The following MFSD8 variants were observed in gnomAD, a reference collection of about 807,000 sequenced individuals.
MFSD8 encodes major facilitator superfamily domain-containing protein 8.
Under a neutral mutation model 66.4 loss-of-function variants are expected in MFSD8, and 55 were observed. The ratio of observed to expected loss-of-function variants is 0.83; its 90% CI spans 0.67 to 1.04. The LOEUF (loss-of-function observed/expected upper bound fraction) is 1.04. Ranked by LOEUF, MFSD8 falls within the 50% of genes least tolerant of loss-of-function variation. The pLI, the probability that MFSD8 is intolerant of heterozygous loss-of-function variation, is 0.00. For synonymous variants in MFSD8, 202 were observed against 212.8 expected (o/e 0.95, Z 0.44); for missense variants, 550 against 627.6 (o/e 0.88, Z 1.32).
intron 5 of MFSD8, among the ~76,000 whole-genome samples, chr4:127,940,490 A>G (rs1739978170): frequency 6.8e-6 from 1 of 146,902 alleles, no homozygotes; most frequent in Admixed American, 7.0e-5. Flanking sequence ...TTTAGACCAG[A>G]TATCTTAAAT....
chr4:127,949,528 T>C (rs576074996), intron 3 of MFSD8, among the ~76,000 whole-genome samples: 4 of 152,236 alleles, frequency 2.6e-5, no homozygotes, highest in Non-Finnish European at 4.4e-5. Flanking sequence ...ATGTGGCTTC[T>C]GAGTAGGTGA....
At chr4:127,937,683 A>G (rs574357394) in intron 7 of MFSD8, among the ~76,000 whole-genome samples, 1 of 152,342 alleles carries the variant, frequency 6.6e-6, no homozygotes, top group East Asian at 1.9e-4. Flanking sequence ...TGAAATTGTT[A>G]CCAATGAGAT....
At chr4:127,942,837 CT>C (rs1409208382) in intron 4 of MFSD8, among the ~76,000 whole-genome samples, 2 of 152,116 alleles carry the variant, frequency 1.3e-5, no homozygotes, top group Non-Finnish European at 2.9e-5. Flanking sequence ...AACAATTTTA[CT>C]GAAAATTTTC....
At chr4:127,940,101 C>A in intron 5 of MFSD8, 104 bp from the exon 6 acceptor site, 1 of 1,120,024 alleles carries the variant, frequency 8.9e-7, no homozygotes, top group South Asian at 1.4e-5. Flanking sequence ...GTTATGGAAT[C>A]ATCCTTCTAT....
chr4:127,923,499 C>G (rs185066761), intron 9 of MFSD8, among the ~76,000 whole-genome samples: 95 of 151,092 alleles, frequency 6.3e-4, no homozygotes, highest in Non-Finnish European at 1.2e-3. Context: ...GGTGGATAAG[C>G]TTTTTGATGT....
chr4:127,922,694 T>G (rs1736516942), intron 9 of MFSD8, among the ~76,000 whole-genome samples: 1 of 152,174 alleles, frequency 6.6e-6, no homozygotes, highest in African/African-American at 2.4e-5. Context: ...TTGGTCAGTT[T>G]TTGAGGATGT....
chr4:127,947,577 C>CAAA (rs995388172), intron 3 of MFSD8, among the ~76,000 whole-genome samples: 8 of 56,824 alleles, frequency 1.4e-4, no homozygotes, highest in African/African-American at 3.0e-4. Flanking sequence ...GACTCCATTG[C>CAAA]AAAAAAAAAA....
intron 3 of MFSD8, chr4:127,945,200 C>G (rs1412919129): frequency 6.6e-6 from 1 of 151,964 alleles, no homozygotes; most frequent in African/African-American, 2.4e-5. Flanking sequence ...TATTTAATGG[C>G]TTTTATTAAA....
At chr4:127,952,167 A>G (rs997972671) in intron 2 of MFSD8, among the ~76,000 whole-genome samples, 6 of 151,932 alleles carry the variant, frequency 3.9e-5, no homozygotes, top group African/African-American at 1.4e-4. Flanking sequence ...GCACTTTGGG[A>G]GGCCTGGGTG....
chr4:127,941,416 G>A (rs1740169058), intron 5 of MFSD8, among the ~76,000 whole-genome samples: 1 of 152,154 alleles, frequency 6.6e-6, no homozygotes, highest in South Asian at 2.1e-4. Flanking sequence ...GAAAATGACT[G>A]ATTCTTTACT....
chr4:127,947,005 T>A (rs191165032), intron 3 of MFSD8, among the ~76,000 whole-genome samples: 1 of 151,178 alleles, frequency 6.6e-6, no homozygotes, highest in East Asian at 1.9e-4. Flanking sequence ...GTAAATACAG[T>A]GTTAGGACAC....
chr4:127,923,386 AT>A (rs1352730171), intron 9 of MFSD8, among the ~76,000 whole-genome samples: 1 of 151,948 alleles, frequency 6.6e-6, no homozygotes, highest in Admixed American at 6.6e-5. Flanking sequence ...TGAGATAATC[AT>A]GTGGTTTTTG....
chr4:127,956,706 T>C (rs1028274133), intron 2 of MFSD8, among the ~76,000 whole-genome samples: 2 of 150,428 alleles, frequency 1.3e-5, no homozygotes, highest in African/African-American at 4.9e-5. Flanking sequence ...TAATCCCAGA[T>C]ACTTGGCAGG....
chr4:127,929,186 G>A (rs1737698943), intron 9 of MFSD8, among the ~76,000 whole-genome samples: 1 of 151,374 alleles, frequency 6.6e-6, no homozygotes, highest in African/African-American at 2.4e-5. Context: ...AGCCAGGTGT[G>A]ATGGCATGTG....
At chr4:127,936,175 G>A (rs946470540) in intron 7 of MFSD8, among the ~76,000 whole-genome samples, 3 of 151,896 alleles carry the variant, frequency 2.0e-5, no homozygotes, top group Admixed American at 6.6e-5. Context: ...AGTACGTGGC[G>A]TGATATCGGC....
At chr4:127,932,451 A>G (rs904248863) in intron 8 of MFSD8, 2 of 152,708 alleles carry the variant, frequency 1.3e-5, no homozygotes, top group Admixed American at 6.5e-5. Context: ...GAGTGGATAT[A>G]GAAATACAGT....
At chr4:127,944,130 T>A in intron 3 of MFSD8, 138 bp from the exon 4 acceptor site, 3 of 1,164,130 alleles carry the variant, frequency 2.6e-6, no homozygotes, top group Non-Finnish European at 3.7e-6. Context: ...CACTATTACT[T>A]ATAGTAAGGG....
intron 2 of MFSD8, among the ~76,000 whole-genome samples, chr4:127,954,118 A>AT (rs1380308656): frequency 6.6e-6 from 1 of 152,174 alleles, no homozygotes; most frequent in Non-Finnish European, 1.5e-5. Flanking sequence ...TCATTCCTAT[A>AT]TATTCTCATC....
At chr4:127,923,301 C>T (rs1736619219) in intron 9 of MFSD8, among the ~76,000 whole-genome samples, 1 of 152,004 alleles carries the variant, frequency 6.6e-6, no homozygotes, top group Admixed American at 6.6e-5. Context: ...AGATACGTTC[C>T]ATCAATATCA....
Sources: gnomAD v4.1 joint callset for allele counts (sites outside exome capture counted in the v4.1 genomes callset) on GRCh38, gnomAD v4.1.1 for gene constraint, MANE v1.5 for transcripts, NCBI Gene and HGNC (gene_info 2026-07-23, HGNC 2026-07-21) for gene names.